Variants in YARS2 observed in about 807,000 individuals in gnomAD.
YARS2 encodes the protein tyrosine--tRNA ligase, mitochondrial.
In YARS2, 38 loss-of-function variants were observed where a neutral mutation model predicts 45.0. The ratio of observed to expected loss-of-function variants is 0.84; its 90% CI spans 0.65 to 1.11. The LOEUF is 1.11. Ranked by LOEUF, YARS2 falls within the 50% of genes least tolerant of loss-of-function variation. The pLI is 0.00. For missense variants in YARS2, 602 were observed against 599.8 expected (o/e 1.00, Z -0.04); for synonymous variants, 287 against 245.1 (o/e 1.17, Z -1.60).
chr12:32,747,384 G>GT (rs1491451010), intron 4 of YARS2, 21 bp from the exon 5 acceptor site: 1 of 1,611,912 alleles, frequency 6.2e-7, no homozygotes, highest in Non-Finnish European at 8.5e-7. Context: ...GAAACGTTTA[G>GT]TAAGTAGAGA....
chr12:32,753,554 G>C lies in YARS2; in HGVS notation c.947+364C>G, dbSNP rs187815476. Among the ~76,000 whole-genome samples the C allele has an allele frequency of 2.0e-3, 302 of 152,214 alleles. 1 individual carries two copies. The highest frequency in any genetic ancestry group is 6.5e-3 in the African/African-American group (272 of 41,544). Reference sequence around the variant, plus strand: ...GATTTAAGGAGAAATCATTTCTTAAGAGGATCTTTAAAGTCATATTTGTGA... The same window carrying C: ...GATTTAAGGAGAAATCATTTCTTAACAGGATCTTTAAAGTCATATTTGTGA... On this transcript the variant is annotated intron_variant, in intron 2 of 4. Transcript: ENST00000324868.
At position 32,747,161 on chromosome 12, in the gene YARS2, G is replaced by A; in HGVS notation, c.*43C>T. 6.2e-7 allele frequency: 1 copy of A among 1,605,532 alleles called. No homozygotes were observed. Among genetic ancestry groups the A allele is most frequent in the Non-Finnish European group, 8.5e-7 (1 of 1,174,994 alleles). On this transcript the variant is annotated 3_prime_UTR_variant, in exon 5 of 5. Coordinates refer to ENST00000324868, the MANE Select transcript of YARS2 (RefSeq NM_001040436.3). ...CCAACCCTTCAGAGGTCTTGAGAAT[G>A]AATGATGGGTAAGTTTATTTGGACA...
chr12:32,755,248 C>T lies in YARS2; in HGVS notation c.627G>A (p.Lys209=). 6.2e-7 allele frequency: 1 copy of T among 1,614,200 alleles called. No individual in the cohort carries two copies. The highest frequency in any genetic ancestry group is 8.5e-7 in the Non-Finnish European group (1 of 1,180,054). Residue 209 remains lysine, a synonymous_variant, in exon 1 of 5, where the codon AAG becomes AAA. Transcript: ENST00000324868. Reference sequence around the variant, plus strand: ...CGGCCAAGCTCATGCCCTCGGGGCTCTTGAGCCGCAGCTGCACGCTCTGCC... The same window carrying T: ...CGGCCAAGCTCATGCCCTCGGGGCTTTTGAGCCGCAGCTGCACGCTCTGCC... ...LSRQSVQLRL[K]SPEGMSLAEF...
At chr12:32,750,573 TA>T in intron 3 of YARS2, 145 bp downstream of exon 3, 1 of 1,040,802 alleles carries the variant, frequency 9.6e-7, no homozygotes, top group Non-Finnish European at 1.4e-6. Context: ...TTCTTTCCAA[TA>T]AACAGGGGCT....
At chr12:32,754,933 C>T (rs1955818485) in intron 1 of YARS2, among the ~76,000 whole-genome samples, 163 bp downstream of exon 1, 1 of 152,066 alleles carries the variant, frequency 6.6e-6, no homozygotes, top group Non-Finnish European at 1.5e-5. Flanking sequence ...CCCTTTAATT[C>T]TTATTAGCCA....
intron 2 of YARS2, chr12:32,752,774 A>G (rs984426421): frequency 1.8e-5 from 7 of 393,016 alleles, no homozygotes; most frequent in African/African-American, 6.4e-5. Flanking sequence ...AAGATTATCA[A>G]TTCTCAATAC....
rs566248085 is a variant in YARS2 at position 32,746,949 on chromosome 12, A to C, written c.*255T>G. 4.7e-6 allele frequency: 2 copies of C among 425,094 alleles called. No homozygotes were observed. Among genetic ancestry groups the C allele is most frequent in the African/African-American group, 4.0e-5 (2 of 49,768 alleles). The allele number at this position is 425,094 out of a possible 1,614,324, so 26.3% of individuals were successfully genotyped here. A position where few individuals can be genotyped will look rare whatever the true frequency, so the allele number is the denominator to read the frequency against. On this transcript the variant is annotated 3_prime_UTR_variant, in exon 5 of 5. Transcript: ENST00000324868. The stretch of plus-strand genomic sequence containing the variant: ...TCTTTCTCTTCTGAAGTATAATTTT[A>C]AAAAGAGATTAACCCTGAAAATCAT...
At chr12:32,753,771 A>T in intron 2 of YARS2, 147 bp downstream of exon 2, 4 of 1,069,118 alleles carry the variant, frequency 3.7e-6, no homozygotes, top group Non-Finnish European at 5.5e-6. Context: ...CACAGTAAAA[A>T]TTAGTCTTCT....
rs1441275667 is a variant in YARS2, at chr12:32,747,270, C to T, written c.1368G>A (p.Lys456=). ...CTATTTTAAGTAAGGAAAGTCCATT[C>T]TTGAGAATATGTTGTCCAACAATTA... ...SVLIVGQHIL[K]NGLSLLKIGK... Residue 456 remains lysine, a synonymous_variant, in exon 5 of 5, where the codon AAG becomes AAA. Coordinates refer to ENST00000324868, the MANE Select transcript of YARS2 (RefSeq NM_001040436.3). 2.5e-6 allele frequency: 4 copies of T among 1,613,864 alleles called. No homozygotes were observed. Among genetic ancestry groups the T allele is most frequent in the Non-Finnish European group, 2.5e-6 (3 of 1,179,916 alleles).
chr12:32,752,781 A>G (rs982760779), intron 2 of YARS2: 4 of 396,174 alleles, frequency 1.0e-5, no homozygotes, highest in Admixed American at 3.0e-5. Context: ...TCAATTCTCA[A>G]TACATCAAAA....
At chr12:32,750,336 G>C (rs1187495697) in intron 3 of YARS2, among the ~76,000 whole-genome samples, 1 of 152,018 alleles carries the variant, frequency 6.6e-6, no homozygotes, top group Non-Finnish European at 1.5e-5. Context: ...TGAGTAGCTG[G>C]GATTACAGAC....
intron 2 of YARS2, 94 bp downstream of exon 2, chr12:32,753,821 AAAC>A (rs1955793195): frequency 2.0e-6 from 3 of 1,532,044 alleles, no homozygotes; most frequent in Non-Finnish European, 2.7e-6. Flanking sequence ...ACTACGTTAA[AAAC>A]AAAAAAACTA....
In YARS2 at chr12:32,753,962, T is replaced by C. The variant is rs766976360; in HGVS notation, c.903A>G (p.Glu301=). Residue 301 remains glutamate, a synonymous_variant, in exon 2 of 5, where the codon GAA becomes GAG. Coordinates refer to ENST00000324868, the MANE Select transcript of YARS2 (RefSeq NM_001040436.3). ...WLNRDKTSPF[E]LYQFFVRQPD... is the part of the protein sequence containing the mutation. ...GTTGCCTGACAAAGAATTGATACAA[T>C]TCAAATGGAGATGTCTTATCTCTGT... 3.7e-6 allele frequency: 6 copies of C among 1,614,218 alleles called. No homozygotes were observed. Among genetic ancestry groups the C allele is most frequent in the Non-Finnish European group, 4.2e-6 (5 of 1,180,044 alleles).
intron 2 of YARS2, among the ~76,000 whole-genome samples, 193 bp from the exon 3 acceptor site, chr12:32,751,067 ATTTC>A (rs1461072500): frequency 1.4e-5 from 2 of 146,788 alleles, no homozygotes; most frequent in Non-Finnish European, 3.0e-5. Context: ...TTTGTTTTCA[ATTTC>A]TTTTTTTTTT....
At chr12:32,752,150 T>A (rs1268578382) in intron 2 of YARS2, among the ~76,000 whole-genome samples, 5 of 152,220 alleles carry the variant, frequency 3.3e-5, no homozygotes, top group African/African-American at 9.6e-5. Flanking sequence ...CTTCCCAGAA[T>A]GTATCCCTAT....
intron 2 of YARS2, chr12:32,752,652 A>G (rs958323668): frequency 2.9e-5 from 8 of 276,886 alleles, no homozygotes; most frequent in African/African-American, 1.8e-4. Flanking sequence ...TACTCAGGAG[A>G]ATCACTTGAA....
intron 4 of YARS2, among the ~76,000 whole-genome samples, chr12:32,748,957 G>A (rs942363560): frequency 6.6e-6 from 1 of 152,116 alleles, no homozygotes; most frequent in African/African-American, 2.4e-5. Flanking sequence ...AAATGGATAA[G>A]CATCAATTAT....
intron 3 of YARS2, among the ~76,000 whole-genome samples, 197 bp downstream of exon 3, chr12:32,750,522 A>T (rs1955722730): frequency 6.6e-6 from 1 of 152,214 alleles, no homozygotes. Context: ...TTTTTTAAAC[A>T]TCTATCTGGT....
rs1205289107 is a variant in YARS2, at chr12:32,746,909, T to C, written c.*295A>G. Reference sequence around the variant, plus strand: ...AAAAAGGAGAGCAGGAAGGGTAAGATAGGAAAGCAGCATTTCTTTCTCTTC... The same window carrying C: ...AAAAAGGAGAGCAGGAAGGGTAAGACAGGAAAGCAGCATTTCTTTCTCTTC... On this transcript the variant is annotated 3_prime_UTR_variant, in exon 5 of 5. Coordinates refer to ENST00000324868, the MANE Select transcript of YARS2 (RefSeq NM_001040436.3). 2 of 335,788 alleles carry C rather than the reference T, an allele frequency of 6.0e-6. No individual in the cohort carries two copies. Among genetic ancestry groups the C allele is most frequent in the Non-Finnish European group, 1.1e-5 (2 of 180,216 alleles). The allele number at this position is 335,788 out of a possible 1,614,324, so 20.8% of individuals were successfully genotyped here. A position where few individuals can be genotyped will look rare whatever the true frequency, so the allele number is the denominator to read the frequency against.
Sources: allele counts gnomAD v4.1 joint callset (sites outside exome capture counted in the v4.1 genomes callset), GRCh38; gene constraint gnomAD v4.1.1; transcripts MANE v1.5; gene names NCBI Gene and HGNC (gene_info 2026-07-23, HGNC 2026-07-21).